PDE7B: variants seen among roughly 807,000 people sequenced by gnomAD.
PDE7B encodes 3',5'-cyclic-AMP phosphodiesterase 7B.
A neutral mutation model predicts 56.2 loss-of-function variants in PDE7B; 29 were observed. The ratio of observed to expected loss-of-function variants is 0.52; its 90% CI spans 0.38 to 0.70. PDE7B has a LOEUF of 0.70. Among genes scored for constraint, PDE7B ranks in the 30% least tolerant of loss-of-function variants. The probability of loss-of-function intolerance (pLI) is 0.00; values close to 1 mark genes in which losing one functional copy is unlikely to be tolerated. For missense variants in PDE7B, 490 were observed against 565.0 expected, an observed-to-expected ratio of 0.87 and a Z score of 1.35; for synonymous variants, 197 against 196.9, an observed-to-expected ratio of 1.00 and a Z score of 0.00.
At chr6:135,970,240 AAAG>A (rs1475801442) in intron 2 of PDE7B, among the ~76,000 whole-genome samples, 9 of 152,164 alleles carry the variant, frequency 5.9e-5, no homozygotes, top group South Asian at 2.1e-4. Flanking sequence ...ACTATGGAGA[AAAG>A]AAAAGCAGGA....
chr6:135,994,790 C>T (rs902847749), intron 2 of PDE7B, among the ~76,000 whole-genome samples: 2 of 152,066 alleles, frequency 1.3e-5, no homozygotes, highest in Non-Finnish European at 2.9e-5. Context: ...TTAAACAATT[C>T]GAGAATGCTA....
intron 2 of PDE7B, among the ~76,000 whole-genome samples, chr6:135,962,824 T>C (rs930009710): frequency 6.6e-6 from 1 of 152,140 alleles, no homozygotes; most frequent in African/African-American, 2.4e-5. Context: ...ATTCCTGAGA[T>C]CAGCCATCCT....
chr6:136,177,278 C>A (rs1778992943), intron 9 of PDE7B, among the ~76,000 whole-genome samples: 2 of 151,950 alleles, frequency 1.3e-5, no homozygotes, highest in Non-Finnish European at 2.9e-5. Flanking sequence ...GCCTGGTCAA[C>A]ATAGTGAAAC....
intron 3 of PDE7B, among the ~76,000 whole-genome samples, chr6:136,141,767 A>G (rs1778331436): frequency 6.6e-6 from 1 of 152,150 alleles, no homozygotes; most frequent in Non-Finnish European, 1.5e-5. Context: ...GGTGTTTAGT[A>G]TTCTCTGATG....
At position 136,032,126 on chromosome 6, in the gene PDE7B, G is replaced by C. The variant is rs1344360203; in HGVS notation, c.83-76605G>C. 2.0e-5 allele frequency among the ~76,000 whole-genome samples: 3 copies of C among 152,166 alleles called. No homozygotes were observed. In the East Asian group the frequency reaches 5.8e-4, roughly 29 times the overall value. ...CAGAGATCAGTTAGGAGCAATCAAA[G>C]TTATAAAAATGTTTGAGAAATAAAG... On this transcript the variant is annotated intron_variant, in intron 2 of 12. Coordinates refer to ENST00000308191, the MANE Select transcript of PDE7B (RefSeq NM_018945.4).
At chr6:135,941,631 A>G (rs1774507982) in intron 1 of PDE7B, among the ~76,000 whole-genome samples, 1 of 152,238 alleles carries the variant, frequency 6.6e-6, no homozygotes, top group Admixed American at 6.5e-5. Flanking sequence ...CAATAATTTC[A>G]TAAACATCTA....
chr6:135,896,833 C>T (rs1169830803), intron 1 of PDE7B, among the ~76,000 whole-genome samples: 2 of 152,082 alleles, frequency 1.3e-5, no homozygotes. Context: ...CTTCCAGCTC[C>T]TTCCTTCCAG....
intron 2 of PDE7B, among the ~76,000 whole-genome samples, chr6:136,055,425 G>T (rs1007888619): frequency 2.0e-5 from 3 of 152,110 alleles, no homozygotes; most frequent in African/African-American, 4.8e-5. Context: ...TTACTTCATT[G>T]GTAGTCCCTC....
chr6:135,924,624 T>C (rs1247443631), intron 1 of PDE7B, among the ~76,000 whole-genome samples: 78 of 137,864 alleles, frequency 5.7e-4, no homozygotes, highest in Admixed American at 1.8e-3. Flanking sequence ...TCTCTTTTTT[T>C]TTTTTTTTTT....
chr6:135,883,377 GT>G (rs1316591033), intron 1 of PDE7B, among the ~76,000 whole-genome samples: 1 of 152,144 alleles, frequency 6.6e-6, no homozygotes, highest in Non-Finnish European at 1.5e-5. Flanking sequence ...ATTCAGCAAA[GT>G]TAAGTGAGGA....
intron 1 of PDE7B, among the ~76,000 whole-genome samples, chr6:135,859,669 T>C (rs1018834621): frequency 3.3e-5 from 5 of 151,974 alleles, no homozygotes; most frequent in African/African-American, 1.2e-4. Context: ...CAAGTGCCCA[T>C]GTGTGGGTGC....
intron 1 of PDE7B, among the ~76,000 whole-genome samples, chr6:135,910,892 A>C (rs941166350): frequency 1.2e-4 from 18 of 152,168 alleles, no homozygotes; most frequent in African/African-American, 4.3e-4. Flanking sequence ...CCCCAAGAGT[A>C]ACCCCATATT....
intron 3 of PDE7B, among the ~76,000 whole-genome samples, chr6:136,136,187 C>A (rs1218899786): frequency 1.3e-5 from 2 of 152,078 alleles, no homozygotes; most frequent in African/African-American, 4.8e-5. Flanking sequence ...CTTCAGGACA[C>A]TGTCAAACTA....
intron 1 of PDE7B, among the ~76,000 whole-genome samples, chr6:135,882,732 C>G (rs1014635766): frequency 6.6e-6 from 1 of 152,076 alleles, no homozygotes; most frequent in Non-Finnish European, 1.5e-5. Context: ...GGCTCCTTAC[C>G]ACACTTGACT....
At chr6:135,998,175 G>C (rs1338784628) in intron 2 of PDE7B, among the ~76,000 whole-genome samples, 1 of 152,078 alleles carries the variant, frequency 6.6e-6, no homozygotes, top group Non-Finnish European at 1.5e-5. Context: ...GAAAAAGAGA[G>C]ATTTTCATAG....
At chr6:136,143,918 G>A (rs895218667) in intron 3 of PDE7B, among the ~76,000 whole-genome samples, 1 of 151,676 alleles carries the variant, frequency 6.6e-6, no homozygotes, top group Non-Finnish European at 1.5e-5. Context: ...CATCATTCAG[G>A]GCTATTTTAC....
At chr6:135,996,710 TTTATC>T (rs1775571465) in intron 2 of PDE7B, among the ~76,000 whole-genome samples, 1 of 152,224 alleles carries the variant, frequency 6.6e-6, no homozygotes, top group Admixed American at 6.5e-5. Flanking sequence ...ACTGTAGTCT[TTTATC>T]TTAGTCTTGT....
At chr6:135,852,106 A>G in intron 1 of PDE7B, 87 bp downstream of exon 1, 1 of 890,004 alleles carries the variant, frequency 1.1e-6, no homozygotes, top group Non-Finnish European at 1.9e-6. Context: ...TTTAAAATGA[A>G]CCTGTACATA....
intron 10 of PDE7B, 126 bp from the exon 11 acceptor site, chr6:136,181,101 T>A: frequency 1.4e-6 from 1 of 694,448 alleles, no homozygotes; most frequent in Admixed American, 2.1e-5. Flanking sequence ...GTCAGGGAGG[T>A]ACTCTGTAAA....
Sources: allele counts gnomAD v4.1 joint callset (sites outside exome capture counted in the v4.1 genomes callset), GRCh38; gene constraint gnomAD v4.1.1; transcripts MANE v1.5; gene names NCBI Gene and HGNC (gene_info 2026-07-23, HGNC 2026-07-21).